Variants in GRIK4 observed in about 807,000 individuals in gnomAD.
GRIK4 encodes glutamate ionotropic receptor kainate type subunit 4.
A neutral mutation model predicts 104.9 loss-of-function variants in GRIK4; 40 were observed. The ratio of observed to expected loss-of-function variants is 0.38; its 90% CI spans 0.30 to 0.50. GRIK4 has a LOEUF of 0.50. GRIK4 is among the 20% of genes least tolerant of loss of function. The pLI, the probability that GRIK4 is intolerant of heterozygous loss-of-function variation, is 0.93. For synonymous variants in GRIK4, 485 were observed against 524.9 expected, an observed-to-expected ratio of 0.92 and a Z score of 1.04; for missense variants, 1,047 against 1,308.1, an observed-to-expected ratio of 0.80 and a Z score of 3.08.
chr11:120,982,336 G>C (rs555653855), intron 20 of GRIK4, 112 bp downstream of exon 20: 1 of 705,118 alleles, frequency 1.4e-6, no homozygotes, highest in East Asian at 2.5e-5. Flanking sequence ...GCAGCAAAGA[G>C]AATCCCAGTG....
At chr11:120,616,248 C>G (rs185710496) in intron 1 of GRIK4, among the ~76,000 whole-genome samples, 5 of 152,192 alleles carry the variant, frequency 3.3e-5, no homozygotes, top group Admixed American at 2.6e-4. Flanking sequence ...TGGGCCAGCC[C>G]CAGGAGCAGA....
At chr11:120,854,928 G>A (rs1954065356) in intron 8 of GRIK4, among the ~76,000 whole-genome samples, 1 of 152,176 alleles carries the variant, frequency 6.6e-6, no homozygotes, top group Non-Finnish European at 1.5e-5. Context: ...CCCAAAGACA[G>A]TGTATGATTT....
chr11:120,643,296 CA>C lies in GRIK4; in HGVS notation c.-158-10387del, dbSNP rs763004390. On this transcript the variant is annotated intron_variant, in intron 1 of 20. Transcript: ENST00000527524. ...CCCCCTGAGAGTTAGAGATTTGAGT[CA>C]AGGCCTGGAAGAGGGTGAGGGAGTG... Among the ~76,000 whole-genome samples the C allele has an allele frequency of 6.6e-5, 10 of 152,288 alleles. No individual in the cohort carries two copies. The East Asian group carries it at 9.7e-4, about 15-fold the overall frequency.
At chr11:120,770,537 G>A (rs980323691) in intron 3 of GRIK4, among the ~76,000 whole-genome samples, 2 of 152,164 alleles carry the variant, frequency 1.3e-5, no homozygotes, top group African/African-American at 2.4e-5. Flanking sequence ...GGCTGACAAG[G>A]TATACTTTCT....
chr11:120,682,333 G>A (rs563766185), intron 3 of GRIK4, among the ~76,000 whole-genome samples: 56 of 152,328 alleles, frequency 3.7e-4, no homozygotes, highest in Middle Eastern at 3.4e-3. Flanking sequence ...GAGGCCCAGC[G>A]AGGCTTCACT....
At chr11:120,653,533 C>A (rs1348553944) in intron 1 of GRIK4, among the ~76,000 whole-genome samples, 152 bp from the exon 2 acceptor site, 4 of 152,114 alleles carry the variant, frequency 2.6e-5, no homozygotes, top group African/African-American at 7.2e-5. Flanking sequence ...GCTGGAGGGT[C>A]AAAGGAGGAG....
chr11:120,730,283 A>G (rs1951105621), intron 3 of GRIK4, among the ~76,000 whole-genome samples: 1 of 152,166 alleles, frequency 6.6e-6, no homozygotes, highest in Non-Finnish European at 1.5e-5. Flanking sequence ...ACTTTAGCCC[A>G]GGAGGCAGAG....
At chr11:120,789,779 C>T (rs1162164916) in intron 3 of GRIK4, among the ~76,000 whole-genome samples, 1 of 152,174 alleles carries the variant, frequency 6.6e-6, no homozygotes, top group Non-Finnish European at 1.5e-5. Context: ...CTGGAACACA[C>T]TTTGCTTCCT....
intron 20 of GRIK4, among the ~76,000 whole-genome samples, chr11:120,984,766 T>A (rs1176845056): frequency 1.4e-5 from 2 of 148,014 alleles, no homozygotes; most frequent in Non-Finnish European, 3.0e-5. Flanking sequence ...AAGACTCTTG[T>A]CTAAAAAAAA....
intron 3 of GRIK4, among the ~76,000 whole-genome samples, chr11:120,680,776 G>A (rs1293391271): frequency 1.3e-5 from 2 of 152,204 alleles, no homozygotes; most frequent in Non-Finnish European, 2.9e-5. Context: ...TAGAGGCGAA[G>A]GGAGCTGGAT....
intron 18 of GRIK4, 135 bp downstream of exon 18, chr11:120,962,816 T>A (rs1229019297): frequency 8.3e-5 from 42 of 505,238 alleles, no homozygotes; most frequent in Non-Finnish European, 2.4e-5. Context: ...TACGTGGGCA[T>A]TCTAAAGTTT....
In GRIK4 at chr11:120,831,925, T is replaced by A. The variant is rs1359899830; in HGVS notation, c.585T>A (p.Asp195Glu). 7 of 1,613,860 alleles carry A rather than the reference T, an allele frequency of 4.3e-6. No homozygotes were observed. Among genetic ancestry groups the A allele is most frequent in the Non-Finnish European group, 5.9e-6 (7 of 1,179,928 alleles). ...SKDTLSVRML[D>E]DTRDPTPLLK... The stretch of plus-strand genomic sequence containing the variant: ...ACACGCTGTCCGTCCGCATGCTGGA[T>A]GACACCCGGGACCCCACCCCGCTCC... Residue 195 changes from aspartate to glutamate, a missense_variant, in exon 7 of 21, where the codon GAT becomes GAA. By Grantham distance (45) the Asp-to-Glu change is conservative. Coordinates refer to ENST00000527524, the MANE Select transcript of GRIK4 (RefSeq NM_014619.5).
At chr11:120,827,194 C>T (rs1291130169) in intron 6 of GRIK4, among the ~76,000 whole-genome samples, 6 of 151,990 alleles carry the variant, frequency 3.9e-5, no homozygotes, top group Admixed American at 6.6e-5. Context: ...CCTCTGTGTC[C>T]CCTGCAGACT....
intron 1 of GRIK4, among the ~76,000 whole-genome samples, chr11:120,522,877 G>A (rs536380030): frequency 6.6e-6 from 1 of 152,124 alleles, no homozygotes; most frequent in African/African-American, 2.4e-5. Flanking sequence ...TCACACATCC[G>A]TTCTTTAGCA....
intron 7 of GRIK4, among the ~76,000 whole-genome samples, chr11:120,835,482 C>T (rs1468471707): frequency 1.2e-4 from 19 of 152,214 alleles, no homozygotes; most frequent in Admixed American, 1.0e-3. Context: ...GAGCCATGAT[C>T]GCGCCAATGC....
intron 1 of GRIK4, among the ~76,000 whole-genome samples, chr11:120,625,122 A>G (rs1156430878): frequency 6.6e-6 from 1 of 152,180 alleles, no homozygotes; most frequent in Non-Finnish European, 1.5e-5. Flanking sequence ...TAAAACTACA[A>G]AAATTAGCCG....
chr11:120,614,749 C>T (rs974316466), intron 1 of GRIK4, among the ~76,000 whole-genome samples: 1 of 152,178 alleles, frequency 6.6e-6, no homozygotes, highest in Non-Finnish European at 1.5e-5. Flanking sequence ...TCTGTAATCC[C>T]AGCACTTTGG....
Position 120,972,392 on chromosome 11 carries a change from C to T in GRIK4, c.2395+5069C>T, listed in dbSNP as rs1245668401. Among the ~76,000 whole-genome samples, 3 of 152,160 alleles carry T rather than the reference C, an allele frequency of 2.0e-5. No homozygotes were observed. In the South Asian group the frequency reaches 6.2e-4, roughly 32 times the overall value. On this transcript the variant is annotated intron_variant, in intron 19 of 20. Transcript: ENST00000527524. Reference sequence around the variant, plus strand: ...TTGGCTTTAAGTTCCAAAATAAGTTCTTAAAGCTCACAGCAGAGATAATGT... The same window carrying T: ...TTGGCTTTAAGTTCCAAAATAAGTTTTTAAAGCTCACAGCAGAGATAATGT...
intron 6 of GRIK4, among the ~76,000 whole-genome samples, chr11:120,826,450 A>G (rs1953262347): frequency 6.6e-6 from 1 of 152,192 alleles, no homozygotes; most frequent in Non-Finnish European, 1.5e-5. Flanking sequence ...AGGGATAATA[A>G]TATCCACCTC....
Sources: allele counts gnomAD v4.1 joint callset (sites outside exome capture counted in the v4.1 genomes callset), GRCh38; gene constraint gnomAD v4.1.1; transcripts MANE v1.5; gene names NCBI Gene and HGNC (gene_info 2026-07-23, HGNC 2026-07-21).